The following MAP1S variants were observed in gnomAD, a reference collection of about 807,000 sequenced individuals.
MAP1S encodes microtubule-associated protein 1S.
In MAP1S, 27 loss-of-function variants were observed where a neutral mutation model predicts 60.9. The ratio of observed to expected loss-of-function variants is 0.44; its 90% confidence interval spans 0.33 to 0.61. MAP1S has a LOEUF of 0.61. Ranked by LOEUF, MAP1S falls within the 20% of genes least tolerant of loss-of-function variation. The probability of loss-of-function intolerance (pLI) is 0.03; values close to 1 mark genes in which losing one functional copy is unlikely to be tolerated. For missense variants in MAP1S, 1,608 were observed against 1,486.6 expected (o/e 1.08, Z -1.34); for synonymous variants, 826 against 694.2 (o/e 1.19, Z -2.98).
intron 5 of MAP1S, among the ~76,000 whole-genome samples, chr19:17,730,489 A>G (rs2080483491): frequency 6.6e-6 from 1 of 151,880 alleles, no homozygotes; most frequent in African/African-American, 2.4e-5. Context: ...CCAATTGTTT[A>G]ATGTTTTGTA....
At chr19:17,731,335 G>C (rs1029229277) in intron 5 of MAP1S, among the ~76,000 whole-genome samples, 7 of 152,298 alleles carry the variant, frequency 4.6e-5, no homozygotes, top group Middle Eastern at 3.4e-3. Context: ...TGGAAGCCCA[G>C]CTTTCCCAGC....
chr19:17,726,023 C>G lies in MAP1S; in HGVS notation c.639C>G (p.Tyr213Ter), dbSNP rs202224843. 3 of 1,612,950 alleles carry G rather than the reference C, an allele frequency of 1.9e-6. No homozygotes were observed. Among genetic ancestry groups the G allele is most frequent in the South Asian group, 1.1e-5 (1 of 90,950 alleles). Residue 213 changes from tyrosine (Y) to a stop codon, truncating the protein, a stop_gained, in exon 5 of 7, where the codon TAC becomes TAG. Coordinates refer to ENST00000324096, the MANE Select transcript of MAP1S (RefSeq NM_018174.6). LOFTEE classifies it high-confidence loss of function. ...NSEGLCEFLE[Y>*]VAESLEPPSP... ...AGGGCCTGTGCGAATTCCTGGAGTA[C>G]GTGGCTGAGTCTCTGGAGCCACCGT...
At position 17,733,123 on chromosome 19, in the gene MAP1S, C is replaced by T. The variant is rs1211710021; in HGVS notation, c.2789-70C>T. On this transcript the variant is annotated intron_variant, in intron 5 of 6. Coordinates refer to ENST00000324096, the MANE Select transcript of MAP1S (RefSeq NM_018174.6). ...GGGAGCTGCTCTGAGTGGTGCAGGT[C>T]GAACTTGGAGCCTCGGCCCCTCCCC... is the stretch of plus-strand genomic sequence containing the variant. 7.4e-6 allele frequency: 8 copies of T among 1,085,692 alleles called. 1 individual carries two copies. In the South Asian group the frequency reaches 7.8e-5, roughly 11 times the overall value. The allele number at this position is 1,085,692 out of a possible 1,614,324, so 67.3% of individuals were successfully genotyped here. A position where few individuals can be genotyped will look rare whatever the true frequency, so the allele number is the denominator to read the frequency against.
chr19:17,725,794 T>G lies in MAP1S; in HGVS notation c.445-35T>G. On this transcript the variant is annotated intron_variant, in intron 4 of 6. Coordinates refer to ENST00000324096, the MANE Select transcript of MAP1S (RefSeq NM_018174.6). The surrounding 1 kb of genome is among the most constrained non-coding windows in gnomAD (Gnocchi z 4.2). Reference sequence around the variant, plus strand: ...CCCACCGGGCTAGGTGTTGCCTGGCTCTAGGTGGTCCCTTACCACTCCTCC... The same window carrying G: ...CCCACCGGGCTAGGTGTTGCCTGGCGCTAGGTGGTCCCTTACCACTCCTCC... The G allele has an allele frequency of 6.3e-7, 1 of 1,583,880 alleles. No homozygotes were observed. The highest frequency in any genetic ancestry group is 8.6e-7 in the Non-Finnish European group (1 of 1,165,372).
In MAP1S at chr19:17,725,824, T is replaced by C; in HGVS notation, c.445-5T>C. On this transcript the variant is annotated splice_region_variant and splice_polypyrimidine_tract_variant and intron_variant, in intron 4 of 6. Coordinates refer to ENST00000324096, the MANE Select transcript of MAP1S (RefSeq NM_018174.6). This position sits in a 1 kb window ranked among gnomAD's most constrained non-coding sequence, Gnocchi z 4.2. ...GTGGTCCCTTACCACTCCTCCTCCATACAGATCCGGGACATCCTGGCCACC... is the reference window on the plus strand; with the variant it reads ...GTGGTCCCTTACCACTCCTCCTCCACACAGATCCGGGACATCCTGGCCACC... 2 of 1,608,840 alleles carry C rather than the reference T, an allele frequency of 1.2e-6. No individual in the cohort carries two copies. The highest frequency in any genetic ancestry group is 1.7e-6 in the Non-Finnish European group (2 of 1,177,960).
chr19:17,721,003 C>T lies in MAP1S; in HGVS notation c.186C>T (p.Ser62=), dbSNP rs779963479. The T allele has an allele frequency of 6.8e-6, 11 of 1,613,934 alleles. No individual in the cohort carries two copies. The highest frequency in any genetic ancestry group is 2.2e-5 in the East Asian group (1 of 44,882). ...ATGAACAGCTCAAGGTCTTTGTGTC[C>T]CGACACTCTGCCACCTTCTCCAGCA... The part of the protein sequence containing the change: ...NLDEQLKVFV[S]RHSATFSSIV... Residue 62 remains serine (S), a synonymous_variant, in exon 2 of 7, where the codon TCC becomes TCT. Transcript: ENST00000324096.
chr19:17,724,303 G>C lies in MAP1S; in HGVS notation c.303+95G>C, dbSNP rs2080397831. 9.8e-6 allele frequency: 10 copies of C among 1,023,310 alleles called. No homozygotes were observed. The South Asian group carries it at 1.3e-4, about 14-fold the overall frequency. 63.4% of individuals were successfully genotyped at this position (1,023,310 alleles called of 1,614,324 possible). ...GTGTCCTTGTCTTCATGCTGCCCCA[G>C]ATCCTCTCAAGACACCCGGCACCAC... On this transcript the variant is annotated intron_variant, in intron 3 of 6. Transcript: ENST00000324096.
In MAP1S at chr19:17,733,208, G is replaced by A. The variant is rs754970414; in HGVS notation, c.2804G>A (p.Arg935Gln). 2.6e-6 allele frequency: 4 copies of A among 1,522,222 alleles called. No individual in the cohort carries two copies. The highest frequency in any genetic ancestry group is 2.5e-5 in the East Asian group (1 of 39,452). 94.3% of individuals were successfully genotyped at this position (1,522,222 alleles called of 1,614,324 possible). A position where few individuals can be genotyped will look rare whatever the true frequency, so the allele number is the denominator to read the frequency against. ...TRGPSGSASSRPGVSATPPKS... is the reference protein window; with the variant it reads ...TRGPSGSASSQPGVSATPPKS... Reference sequence around the variant, plus strand: ...CCGCCCGCAGGGTCAGCCAGCAGCCGGCCCGGGGTGTCAGCCACCCCACCC... The same window carrying A: ...CCGCCCGCAGGGTCAGCCAGCAGCCAGCCCGGGGTGTCAGCCACCCCACCC... Residue 935 changes from arginine to glutamine, a missense_variant, in exon 6 of 7, where the codon CGG (arginine) becomes CAG (glutamine). Arg to Gln is a conservative substitution (Grantham distance 43). Around this residue, in one of 4 missense-constraint regions of MAP1S, gnomAD observed 1,167 missense variants for 961.4 expected, o/e 1.21. Coordinates refer to ENST00000324096, the MANE Select transcript of MAP1S (RefSeq NM_018174.6).
chr19:17,732,254 T>C (rs188591463), intron 5 of MAP1S, among the ~76,000 whole-genome samples: 11 of 152,300 alleles, frequency 7.2e-5, no homozygotes, highest in Admixed American at 2.0e-4. Flanking sequence ...TTTGTGATTG[T>C]GTCTTGGTAG....
At position 17,725,264 on chromosome 19, in the gene MAP1S, C is replaced by A; in HGVS notation, c.444+75C>A. On this transcript the variant is annotated intron_variant, in intron 4 of 6. Coordinates refer to ENST00000324096, the MANE Select transcript of MAP1S (RefSeq NM_018174.6). This position sits in a 1 kb window ranked among gnomAD's most constrained non-coding sequence, Gnocchi z 4.2. ...TGGGGTGTATCAGGCTGTGTGGCACCAGCGACCTGCTGTTTTCCATGGCCT... is the reference window on the plus strand; with the variant it reads ...TGGGGTGTATCAGGCTGTGTGGCACAAGCGACCTGCTGTTTTCCATGGCCT... 6.6e-7 allele frequency: 1 copy of A among 1,512,262 alleles called. No homozygotes were observed. Among genetic ancestry groups the A allele is most frequent in the Non-Finnish European group, 8.9e-7 (1 of 1,122,938 alleles). 93.7% of individuals were successfully genotyped at this position (1,512,262 alleles called of 1,614,324 possible). A position where few individuals can be genotyped will look rare whatever the true frequency, so the allele number is the denominator to read the frequency against.
At position 17,727,787 on chromosome 19, in the gene MAP1S, C is replaced by G. The variant is rs767478884; in HGVS notation, c.2403C>G (p.Pro801=). The G allele has an allele frequency of 7.4e-6, 12 of 1,611,898 alleles. No individual in the cohort carries two copies. In the African/African-American group the frequency reaches 1.3e-4, roughly 18 times the overall value. Residue 801 remains proline (P), a synonymous_variant, in exon 5 of 7, where the codon CCC becomes CCG. Transcript: ENST00000324096. The surrounding 1 kb of genome is among the most constrained non-coding windows in gnomAD (Gnocchi z 4.1). ...CCCTGTCTGACTCGGATCCCGTGCC[C>G]CTGGCCCCCGGTGCGGCAGACTCAG... The part of the protein sequence containing the change: ...LPTLSDSDPV[P]LAPGAADSDE...
At position 17,729,907 on chromosome 19, in the gene MAP1S, C is replaced by T. The variant is rs145349287; in HGVS notation, c.2788+1735C>T. ...CGAACTCCTGGCCTCGTGATCTGCC[C>T]GCCTCGGCCTCCCAAAGTACTGGGA... is the stretch of plus-strand genomic sequence containing the variant. On this transcript the variant is annotated intron_variant, in intron 5 of 6. Coordinates refer to ENST00000324096, the MANE Select transcript of MAP1S (RefSeq NM_018174.6). Among the ~76,000 whole-genome samples the T allele has an allele frequency of 1.8e-3, 268 of 152,218 alleles. 3 individuals are homozygous for T. Among genetic ancestry groups the T allele is most frequent in the African/African-American group, 5.7e-3 (237 of 41,510 alleles).
chr19:17,721,068 AC>A, intron 2 of MAP1S, 31 bp downstream of exon 2: 5 of 1,570,788 alleles, frequency 3.2e-6, no homozygotes, highest in Non-Finnish European at 4.4e-6. Flanking sequence ...ACTGCTCCCT[AC>A]CTCTTGTTAT....
intron 2 of MAP1S, chr19:17,721,243 A>G: frequency 1.7e-6 from 1 of 582,844 alleles, no homozygotes; most frequent in Non-Finnish European, 3.1e-6. Flanking sequence ...TTTGTCCCTG[A>G]TTGACAGATG....
Position 17,723,264 on chromosome 19 carries a change from C to T in MAP1S, c.221-862C>T, listed in dbSNP as rs554543427. Among the ~76,000 whole-genome samples, 3 of 152,246 alleles carry T rather than the reference C, an allele frequency of 2.0e-5. No individual in the cohort carries two copies. The South Asian group carries it at 6.2e-4, about 32-fold the overall frequency. The stretch of plus-strand genomic sequence containing the variant: ...TCTCTGTCTGAAAAATAAATGTGGC[C>T]GGATGGGTGCAGTGGGTCAAGTCTG... On this transcript the variant is annotated intron_variant, in intron 2 of 6. Transcript: ENST00000324096.
intron 3 of MAP1S, among the ~76,000 whole-genome samples, chr19:17,724,643 CCTT>C (rs373970835): frequency 1.4e-4 from 21 of 152,194 alleles, no homozygotes; most frequent in Non-Finnish European, 2.4e-4. Context: ...CCACTACAGA[CCTT>C]CTTACAGGTT....
At chr19:17,722,839 A>AG (rs1189662807) in intron 2 of MAP1S, among the ~76,000 whole-genome samples, 1 of 151,926 alleles carries the variant, frequency 6.6e-6, no homozygotes. Context: ...AAATGTGATA[A>AG]GGGCGAGAGA....
Position 17,725,318 on chromosome 19 carries a change from T to C in MAP1S, c.444+129T>C, listed in dbSNP as rs2080408039. 1 of 1,089,652 alleles carries C rather than the reference T, an allele frequency of 9.2e-7. No individual in the cohort carries two copies. Among genetic ancestry groups the C allele is most frequent in the Non-Finnish European group, 1.3e-6 (1 of 772,000 alleles). 67.5% of individuals were successfully genotyped at this position (1,089,652 alleles called of 1,614,324 possible). On this transcript the variant is annotated intron_variant, in intron 4 of 6. Transcript: ENST00000324096. The surrounding 1 kb of genome is among the most constrained non-coding windows in gnomAD (Gnocchi z 4.2). The stretch of plus-strand genomic sequence containing the variant: ...CTCCCCATCCTCTGTAGGATGGCAG[T>C]GGTGACACATGCCTCCTGGCTGTCT...
In MAP1S at chr19:17,726,406, C is replaced by A. The variant is rs771171800; in HGVS notation, c.1022C>A (p.Ala341Asp). 7.6e-6 allele frequency: 12 copies of A among 1,579,084 alleles called. No homozygotes were observed. Among genetic ancestry groups the A allele is most frequent in the Admixed American group, 1.8e-5 (1 of 56,232 alleles). The change falls in exon 5 of 7, where the codon GCC (alanine) becomes GAC (aspartate). Residue 341 changes from alanine (A) to aspartate (D), a missense_variant. Coordinates refer to ENST00000324096, the MANE Select transcript of MAP1S (RefSeq NM_018174.6). ...AACCTGGGGGTCGTGTTCTTCAACGCCTGCGAGGCCGCGTCGCGGCTGGCG... is the reference window on the plus strand; with the variant it reads ...AACCTGGGGGTCGTGTTCTTCAACGACTGCGAGGCCGCGTCGCGGCTGGCG... ...SPNLGVVFFNACEAASRLARG... is the reference protein window; with the variant it reads ...SPNLGVVFFNDCEAASRLARG...
Sources: gnomAD v4.1 joint callset for allele counts (sites outside exome capture counted in the v4.1 genomes callset) on GRCh38, gnomAD v4.1.1 for gene constraint, gnomAD v4.1.1 regional missense constraint, Gnocchi (gnomAD v3.1) non-coding constraint, MANE v1.5 for transcripts, NCBI Gene and HGNC (gene_info 2026-07-23, HGNC 2026-07-21) for gene names.